AJAP1: variants seen among roughly 807,000 people sequenced by gnomAD.
AJAP1 encodes adherens junction-associated protein 1.
AJAP1 carries 5 observed loss-of-function variants against 35.0 expected under a neutral mutation model. That is an observed-to-expected ratio of 0.14 (90% CI 0.07 to 0.30). The LOEUF is 0.30. Ranked by LOEUF, AJAP1 falls within the 10% of genes least tolerant of loss-of-function variation. The probability of loss-of-function intolerance (pLI) is 1.00; values close to 1 mark genes in which losing one functional copy is unlikely to be tolerated. For synonymous variants in AJAP1, 284 were observed against 249.3 expected (o/e 1.14, Z -1.31); for missense variants, 586 against 571.0 (o/e 1.03, Z -0.27).
intron 2 of AJAP1, among the ~76,000 whole-genome samples, chr1:4,717,274 A>G (rs1640414820): frequency 6.6e-6 from 1 of 152,192 alleles, no homozygotes; most frequent in Admixed American, 6.5e-5. Flanking sequence ...GTGTACAGTT[A>G]GTGCTCAATG....
Position 4,677,068 on chromosome 1 carries a change from A to T in AJAP1, c.29+21614A>T, listed in dbSNP as rs552558966. On this transcript the variant is annotated intron_variant, in intron 1 of 5. Transcript: ENST00000378191. ...GGTACTTGGGAGGCTGAGGCAGGAG[A>T]ATTGCTTGAACCTGGGAGGCGGAGG... is the stretch of plus-strand genomic sequence containing the variant. Among the ~76,000 whole-genome samples the T allele has an allele frequency of 2.6e-5, 4 of 152,264 alleles. No homozygotes were observed. The East Asian group carries it at 7.7e-4, about 29-fold the overall frequency.
At chr1:4,753,187 G>A (rs901493467) in intron 2 of AJAP1, among the ~76,000 whole-genome samples, 41 of 152,308 alleles carry the variant, frequency 2.7e-4, no homozygotes, top group African/African-American at 9.6e-4. Context: ...TCCCCAACAT[G>A]GAAAATAGGT....
chr1:4,756,269 C>T (rs1346301247), intron 2 of AJAP1, among the ~76,000 whole-genome samples: 3 of 152,184 alleles, frequency 2.0e-5, no homozygotes, highest in Non-Finnish European at 4.4e-5. Context: ...TTGGCCCTGC[C>T]GAAAGCAGCT....
At chr1:4,700,156 ACCT>A (rs1557614673) in intron 1 of AJAP1, among the ~76,000 whole-genome samples, 1 of 151,114 alleles carries the variant, frequency 6.6e-6, no homozygotes, top group Non-Finnish European at 1.5e-5. Context: ...CTCCTGATAC[ACCT>A]CCTTCTTTGC....
chr1:4,763,085 G>C (rs1641608467), intron 2 of AJAP1, among the ~76,000 whole-genome samples: 1 of 152,182 alleles, frequency 6.6e-6, no homozygotes, highest in Admixed American at 6.5e-5. Flanking sequence ...CCAACCCAAG[G>C]CTTCAGCTGC....
intron 1 of AJAP1, 76 bp from the exon 2 acceptor site, chr1:4,711,824 A>G (rs1640246993): frequency 1.7e-6 from 2 of 1,184,932 alleles, no homozygotes; most frequent in Admixed American, 3.0e-5. Flanking sequence ...CGCGGGGTGG[A>G]GAGAGAGGGC....
intron 2 of AJAP1, among the ~76,000 whole-genome samples, chr1:4,712,968 G>C (rs1640300292): frequency 6.6e-6 from 1 of 152,180 alleles, no homozygotes; most frequent in South Asian, 2.1e-4. Flanking sequence ...TTAGGGACCA[G>C]CTGAATCCAC....
rs959814140 is a variant in AJAP1, at chr1:4,708,701, C to T, written c.30-3199C>T. Among the ~76,000 whole-genome samples the T allele has an allele frequency of 1.2e-4, 18 of 152,308 alleles. No homozygotes were observed. The South Asian group carries it at 1.2e-3, about 11-fold the overall frequency. On this transcript the variant is annotated intron_variant, in intron 1 of 5. Coordinates refer to ENST00000378191, the MANE Select transcript of AJAP1 (RefSeq NM_018836.4). ...TCCCCAAGAGTCTCAGGACCAGGTCCGGGCAGCACACCAAGCTCAGCCGTC... is the reference window on the plus strand; with the variant it reads ...TCCCCAAGAGTCTCAGGACCAGGTCTGGGCAGCACACCAAGCTCAGCCGTC...
intron 2 of AJAP1, among the ~76,000 whole-genome samples, chr1:4,743,695 A>G (rs1247049859): frequency 6.6e-6 from 1 of 152,092 alleles, no homozygotes; most frequent in African/African-American, 2.4e-5. Flanking sequence ...TTACATACTG[A>G]CCTGAACCCT....
At chr1:4,752,904 T>A (rs998656481) in intron 2 of AJAP1, among the ~76,000 whole-genome samples, 2 of 152,170 alleles carry the variant, frequency 1.3e-5, no homozygotes, top group Admixed American at 1.3e-4. Context: ...ACACAACCTG[T>A]TTTGCTCACA....
At chr1:4,773,576 G>T (rs539297809) in intron 4 of AJAP1, among the ~76,000 whole-genome samples, 1 of 152,186 alleles carries the variant, frequency 6.6e-6, no homozygotes, top group Admixed American at 6.5e-5. Flanking sequence ...GGACAGTGGC[G>T]CTCAGAACCT....
intron 2 of AJAP1, among the ~76,000 whole-genome samples, chr1:4,726,745 G>C (rs760260079): frequency 1.3e-5 from 2 of 152,186 alleles, no homozygotes; most frequent in African/African-American, 4.8e-5. Context: ...CAGCATGTGG[G>C]TCTGGGAGGC....
intron 2 of AJAP1, among the ~76,000 whole-genome samples, chr1:4,729,697 T>C (rs1449205476): frequency 7.4e-6 from 1 of 135,826 alleles, no homozygotes; most frequent in Non-Finnish European, 1.6e-5. Flanking sequence ...CCCGATGGCC[T>C]CATTTTAACT....
Position 4,787,973 on chromosome 1 carries a change from T to C in AJAP1, c.*5488T>C. On this transcript the variant is annotated 3_prime_UTR_variant, in exon 6 of 6. Transcript: ENST00000378191. ...TGAGTGGTTACTTTGGTGCAGTTTGTCAATTTGCTCTACCATACTGTTTTT... is the reference window on the plus strand; with the variant it reads ...TGAGTGGTTACTTTGGTGCAGTTTGCCAATTTGCTCTACCATACTGTTTTT... The C allele has an allele frequency of 3.0e-6, 1 of 329,736 alleles. No homozygotes were observed. Among genetic ancestry groups the C allele is most frequent in the Non-Finnish European group, 6.1e-6 (1 of 164,678 alleles). 20.4% of individuals were successfully genotyped at this position (329,736 alleles called of 1,614,324 possible).
At chr1:4,717,719 G>A (rs1640427557) in intron 2 of AJAP1, among the ~76,000 whole-genome samples, 1 of 152,190 alleles carries the variant, frequency 6.6e-6, no homozygotes, top group South Asian at 2.1e-4. Flanking sequence ...GCTGACCTAA[G>A]CATCAATGCA....
At chr1:4,708,211 C>T (rs1165403679) in intron 1 of AJAP1, among the ~76,000 whole-genome samples, 1 of 152,006 alleles carries the variant, frequency 6.6e-6, no homozygotes, top group Non-Finnish European at 1.5e-5. Flanking sequence ...CGTGATCCTC[C>T]CACCTCGGCC....
rs964379421 is a variant in AJAP1, at chr1:4,692,916, C to T, written c.30-18984C>T. On this transcript the variant is annotated intron_variant, in intron 1 of 5. Coordinates refer to ENST00000378191, the MANE Select transcript of AJAP1 (RefSeq NM_018836.4). The surrounding 1 kb of genome is among the most constrained non-coding windows in gnomAD (Gnocchi z 4.4). ...CTGGACAGGGAAGGGACGAGGTGTG[C>T]CCCATTCTGGAACCCAGTGCTCATT... Among the ~76,000 whole-genome samples the T allele has an allele frequency of 6.6e-6, 1 of 152,208 alleles. No homozygotes were observed. The highest frequency in any genetic ancestry group is 2.4e-5 in the African/African-American group (1 of 41,456).
intron 2 of AJAP1, among the ~76,000 whole-genome samples, chr1:4,749,546 C>T (rs1464192693): frequency 6.6e-6 from 1 of 152,162 alleles, no homozygotes; most frequent in East Asian, 1.9e-4. Flanking sequence ...ACCCAGCCCT[C>T]CACGGACGTG....
intron 2 of AJAP1, among the ~76,000 whole-genome samples, chr1:4,750,147 T>A (rs1254646539): frequency 2.6e-5 from 4 of 152,182 alleles, no homozygotes; most frequent in African/African-American, 9.7e-5. Flanking sequence ...GACATGTGTG[T>A]GCATTTGTCC....
Sources: allele counts gnomAD v4.1 joint callset (sites outside exome capture counted in the v4.1 genomes callset), GRCh38; gene constraint gnomAD v4.1.1; non-coding constraint Gnocchi (gnomAD v3.1); transcripts MANE v1.5; gene names NCBI Gene and HGNC (gene_info 2026-07-23, HGNC 2026-07-21).